Variants in ATP10D observed in about 807,000 individuals in gnomAD.
The protein encoded by ATP10D is phospholipid-transporting ATPase VD.
In ATP10D, 89 loss-of-function variants were observed where a neutral mutation model predicts 144.8. That is an observed-to-expected ratio of 0.61 (90% CI 0.52 to 0.73). ATP10D has a LOEUF of 0.73. Among genes scored for constraint, ATP10D ranks in the 30% least tolerant of loss-of-function variants. ATP10D has a pLI of 0.00. For missense variants in ATP10D, 1,603 were observed against 1,714.8 expected (o/e 0.93, Z 1.15); for synonymous variants, 571 against 615.1 (o/e 0.93, Z 1.06).
intron 14 of ATP10D, among the ~76,000 whole-genome samples, chr4:47,561,426 T>C (rs186655467): frequency 1.1e-4 from 17 of 152,340 alleles, no homozygotes; most frequent in Admixed American, 1.1e-3. Flanking sequence ...AGGTGCTTAA[T>C]ACGTGTTATC....
chr4:47,543,852 CAT>C (rs1032292731), intron 9 of ATP10D, among the ~76,000 whole-genome samples: 2 of 151,660 alleles, frequency 1.3e-5, no homozygotes, highest in African/African-American at 2.4e-5. Context: ...CACACACACA[CAT>C]ATATATATGC....
intron 9 of ATP10D, 94 bp from the exon 10 acceptor site, chr4:47,546,530 T>C: frequency 1.8e-6 from 2 of 1,111,012 alleles, no homozygotes; most frequent in African/African-American, 1.5e-5. Flanking sequence ...GGGGAGGAGA[T>C]GGTGTGAAAT....
intron 19 of ATP10D, among the ~76,000 whole-genome samples, 162 bp from the exon 20 acceptor site, chr4:47,580,236 C>G (rs1720442158): frequency 6.6e-6 from 1 of 151,978 alleles, no homozygotes; most frequent in Non-Finnish European, 1.5e-5. Flanking sequence ...ACTTGTGAAC[C>G]CATCACATTC....
intron 5 of ATP10D, among the ~76,000 whole-genome samples, chr4:47,533,691 A>G (rs1223023247): frequency 6.6e-6 from 1 of 152,192 alleles, no homozygotes; most frequent in Non-Finnish European, 1.5e-5. Context: ...AATTTAGTCA[A>G]GTAATTACTT....
chr4:47,575,431 G>T (rs1047659937), intron 18 of ATP10D, among the ~76,000 whole-genome samples: 2 of 152,146 alleles, frequency 1.3e-5, no homozygotes, highest in Non-Finnish European at 2.9e-5. Context: ...TTTCCTGAGA[G>T]TGTCCCGGTT....
chr4:47,496,803 G>C (rs1352470804), intron 1 of ATP10D, among the ~76,000 whole-genome samples: 1 of 151,762 alleles, frequency 6.6e-6, no homozygotes, highest in African/African-American at 2.4e-5. Flanking sequence ...TATTAAACCA[G>C]AAATGAATAA....
chr4:47,551,626 A>T (rs1229483709), intron 10 of ATP10D, among the ~76,000 whole-genome samples: 1 of 152,236 alleles, frequency 6.6e-6, no homozygotes, highest in Non-Finnish European at 1.5e-5. Flanking sequence ...GGATCCAAAG[A>T]TCAATAAGAT....
intron 18 of ATP10D, among the ~76,000 whole-genome samples, chr4:47,575,274 CT>C (rs1431440974): frequency 1.3e-5 from 2 of 152,162 alleles, no homozygotes; most frequent in Admixed American, 1.3e-4. Context: ...ACAAAACTCT[CT>C]CTAAGTCCAA....
In ATP10D at chr4:47,580,489, G is replaced by A; in HGVS notation, c.3648+11G>A. The A allele has an allele frequency of 6.3e-7, 1 of 1,599,068 alleles. No individual in the cohort carries two copies. Among genetic ancestry groups the A allele is most frequent in the Non-Finnish European group, 8.6e-7 (1 of 1,166,526 alleles). ...TTTGTGCCTTATTTTGTGAGTCTTTGTTCACTCAGTATATTTGTTATTAAT... is the reference window on the plus strand; with the variant it reads ...TTTGTGCCTTATTTTGTGAGTCTTTATTCACTCAGTATATTTGTTATTAAT... On this transcript the variant is annotated intron_variant, in intron 20 of 22. Transcript: ENST00000273859.
intron 11 of ATP10D, chr4:47,556,963 G>A (rs1163799206): frequency 6.6e-6 from 1 of 152,046 alleles, no homozygotes; most frequent in Non-Finnish European, 1.5e-5. Context: ...TTGCTTACTG[G>A]TCCATTTAAA....
chr4:47,513,829 G>T (rs1484866696), intron 2 of ATP10D, among the ~76,000 whole-genome samples: 1 of 152,190 alleles, frequency 6.6e-6, no homozygotes, highest in Non-Finnish European at 1.5e-5. Context: ...AAGCAGTGTG[G>T]TGGGTAGATG....
chr4:47,522,290 C>G (rs916341238), intron 3 of ATP10D, among the ~76,000 whole-genome samples: 1 of 152,192 alleles, frequency 6.6e-6, no homozygotes, highest in Non-Finnish European at 1.5e-5. Flanking sequence ...TCCTATCTGC[C>G]TGATGGGAAG....
intron 19 of ATP10D, among the ~76,000 whole-genome samples, chr4:47,578,761 A>G (rs776267630): frequency 1.6e-4 from 25 of 152,192 alleles, no homozygotes; most frequent in Non-Finnish European, 3.4e-4. Flanking sequence ...TTCATATCCA[A>G]TGAGGAAATA....
At chr4:47,529,178 A>T (rs1039232855) in intron 5 of ATP10D, among the ~76,000 whole-genome samples, 1 of 152,000 alleles carries the variant, frequency 6.6e-6, no homozygotes, top group Admixed American at 6.6e-5. Context: ...GTTTTGTTGC[A>T]TTTGCTTTCG....
intron 1 of ATP10D, among the ~76,000 whole-genome samples, chr4:47,505,412 A>G (rs1432829968): frequency 1.3e-5 from 2 of 152,194 alleles, no homozygotes; most frequent in Non-Finnish European, 2.9e-5. Context: ...CAGACCTGCT[A>G]GATCAGAAAC....
chr4:47,529,377 G>T (rs139518878), intron 5 of ATP10D, among the ~76,000 whole-genome samples: 2 of 151,990 alleles, frequency 1.3e-5, no homozygotes, highest in Admixed American at 6.6e-5. Flanking sequence ...TTTTCCCAGC[G>T]CCATTTATTG....
At chr4:47,489,116 G>A (rs570527119) in intron 1 of ATP10D, among the ~76,000 whole-genome samples, 26 of 152,238 alleles carry the variant, frequency 1.7e-4, no homozygotes, top group African/African-American at 5.8e-4. Flanking sequence ...ATGAGAAATA[G>A]ATATAAATGA....
At chr4:47,588,932 G>C (rs926484562) in intron 22 of ATP10D, among the ~76,000 whole-genome samples, 1 of 152,124 alleles carries the variant, frequency 6.6e-6, no homozygotes, top group African/African-American at 2.4e-5. Context: ...CCTGTAACCT[G>C]TAAATTTTAT....
At chr4:47,506,252 A>G (rs1431608644) in intron 1 of ATP10D, among the ~76,000 whole-genome samples, 2 of 152,206 alleles carry the variant, frequency 1.3e-5, no homozygotes, top group African/African-American at 4.8e-5. Flanking sequence ...ATTTTAAAAC[A>G]TTCTTTGAAC....
Sources: allele counts gnomAD v4.1 joint callset (sites outside exome capture counted in the v4.1 genomes callset), GRCh38; gene constraint gnomAD v4.1.1; transcripts MANE v1.5; gene names NCBI Gene and HGNC (gene_info 2026-07-23, HGNC 2026-07-21).